DDX11: variants seen among roughly 807,000 people sequenced by gnomAD.
DDX11 encodes ATP-dependent DNA helicase DDX11.
A neutral mutation model predicts 125.2 loss-of-function variants in DDX11; 72 were observed. The ratio of observed to expected loss-of-function variants is 0.58; its 90% CI spans 0.48 to 0.70. DDX11 has a LOEUF of 0.70. DDX11 is among the 30% of genes least tolerant of loss of function. The pLI is 0.00. For missense variants in DDX11, 883 were observed against 1,165.0 expected (o/e 0.76, Z 3.52); for synonymous variants, 347 against 452.6 (o/e 0.77, Z 2.96).
At chr12:31,099,288 T>C (rs1945960692) in intron 18 of DDX11, among the ~76,000 whole-genome samples, 1 of 151,958 alleles carries the variant, frequency 6.6e-6, no homozygotes, top group South Asian at 2.1e-4. Flanking sequence ...GGTTTTACCA[T>C]GTTGGCCAGG....
intron 18 of DDX11, among the ~76,000 whole-genome samples, chr12:31,098,960 G>C (rs914998398): frequency 6.6e-6 from 1 of 152,020 alleles, no homozygotes; most frequent in East Asian, 1.9e-4. Context: ...CTTGTAATGG[G>C]GAATGACATT....
At chr12:31,092,068 C>G (rs1944346646) in intron 10 of DDX11, among the ~76,000 whole-genome samples, 197 bp downstream of exon 10, 1 of 152,266 alleles carries the variant, frequency 6.6e-6, no homozygotes, top group African/African-American at 2.4e-5. Flanking sequence ...CAGAGTGCCT[C>G]ATTTCCCTGC....
intron 4 of DDX11, 62 bp downstream of exon 4, chr12:31,084,731 C>T (rs370015210): frequency 6.7e-7 from 1 of 1,487,434 alleles, no homozygotes; most frequent in Non-Finnish European, 9.2e-7. Flanking sequence ...CTTGGAGGCT[C>T]ATGGGTGCGT....
intron 2 of DDX11, among the ~76,000 whole-genome samples, chr12:31,079,948 T>C (rs1941546876): frequency 6.7e-6 from 1 of 150,324 alleles, no homozygotes; most frequent in South Asian, 2.1e-4. Context: ...AATTAGTTGC[T>C]CCTCAGACTG....
intron 2 of DDX11, among the ~76,000 whole-genome samples, chr12:31,082,911 C>A (rs573020799): frequency 2.6e-5 from 4 of 152,314 alleles, no homozygotes; most frequent in Admixed American, 2.6e-4. Flanking sequence ...ATCATCACAT[C>A]GCCTGCCTTC....
At chr12:31,094,896 TAAG>T in intron 14 of DDX11, 74 bp downstream of exon 14, 3 of 1,546,966 alleles carry the variant, frequency 1.9e-6, no homozygotes, top group Non-Finnish European at 2.7e-6. Context: ...AGTACTATGT[TAAG>T]ACTGTAGAAG....
intron 12 of DDX11, chr12:31,093,720 C>CAAAAAAAAAAAAAAAAAAAAAAAAAAA (rs71052461): frequency 5.4e-5 from 3 of 55,564 alleles, no homozygotes; most frequent in East Asian, 7.2e-4. Context: ...GAATCAGTCT[C>CAAAAAAAAAAAAAAAAAAAAAAAAAAA]AAAAAAAAAA....
At chr12:31,100,861 T>C in intron 19 of DDX11, 154 bp downstream of exon 19, 1 of 1,085,600 alleles carries the variant, frequency 9.2e-7, no homozygotes, top group South Asian at 1.3e-5. Context: ...GCTCTCCTGC[T>C]TTGCTCCCTG....
At chr12:31,098,141 G>A (rs929537622) in intron 18 of DDX11, 144 bp downstream of exon 18, 89 of 583,564 alleles carry the variant, frequency 1.5e-4, no homozygotes, top group African/African-American at 1.4e-3. Flanking sequence ...TGTCCGCTGG[G>A]TGACACTGCT....
At chr12:31,079,658 ATGTT>A (rs1222887662) in intron 2 of DDX11, among the ~76,000 whole-genome samples, 3 of 151,394 alleles carry the variant, frequency 2.0e-5, no homozygotes, top group Non-Finnish European at 4.4e-5. Context: ...ATTTCAACAT[ATGTT>A]TGTTTGTTAA....
Position 31,087,871 on chromosome 12 carries a change from G to A in DDX11, c.639-67G>A, listed in dbSNP as rs1208179633. Reference sequence around the variant, plus strand: ...CAGGGCTCAGCACCAGCGCTCAGCAGATGCTCAGTGCGTTTTGCTGAGTTT... The same window carrying A: ...CAGGGCTCAGCACCAGCGCTCAGCAAATGCTCAGTGCGTTTTGCTGAGTTT... On this transcript the variant is annotated intron_variant, in intron 5 of 26. Coordinates refer to ENST00000542838, the MANE Select transcript of DDX11 (RefSeq NM_030653.4). The A allele has an allele frequency of 2.6e-6, 4 of 1,562,314 alleles. No individual in the cohort carries two copies. In the East Asian group the frequency reaches 9.6e-5, roughly 37 times the overall value.
rs1215524537 is a variant in DDX11, at chr12:31,088,097, G to A, written c.684+114G>A. On this transcript the variant is annotated intron_variant, in intron 6 of 26. Coordinates refer to ENST00000542838, the MANE Select transcript of DDX11 (RefSeq NM_030653.4). ...TTCTCACCCTCCTCTCCACAAAGGAGGAGCTTCCAGCACTTGGACTCCGTT... is the reference window on the plus strand; with the variant it reads ...TTCTCACCCTCCTCTCCACAAAGGAAGAGCTTCCAGCACTTGGACTCCGTT... The A allele has an allele frequency of 8.7e-6, 13 of 1,496,112 alleles. No homozygotes were observed. In the Admixed American group the frequency reaches 1.4e-4, roughly 16 times the overall value. The allele number at this position is 1,496,112 out of a possible 1,614,324, so 92.7% of individuals were successfully genotyped here.
chr12:31,085,182 C>T (rs1942877278), intron 5 of DDX11, 56 bp downstream of exon 5: 1 of 1,534,874 alleles, frequency 6.5e-7, no homozygotes, highest in South Asian at 1.2e-5. Context: ...CCCTTGAAGA[C>T]AGCTCTTTCC....
rs1946886754 is a variant in DDX11, at chr12:31,104,205, A to G, written c.*369A>G. 3.9e-6 allele frequency: 4 copies of G among 1,031,546 alleles called. No individual in the cohort carries two copies. In the African/African-American group the frequency reaches 6.5e-5, roughly 17 times the overall value. The allele number at this position is 1,031,546 out of a possible 1,614,324, so 63.9% of individuals were successfully genotyped here. A position where few individuals can be genotyped will look rare whatever the true frequency, so the allele number is the denominator to read the frequency against. On this transcript the variant is annotated 3_prime_UTR_variant, in exon 27 of 27. Coordinates refer to ENST00000542838, the MANE Select transcript of DDX11 (RefSeq NM_030653.4). ...TCTCCGTCCTGCCCACCTTCTTAAGAGGCGAGATGGAGCAGGCCCATCTGC... is the reference window on the plus strand; with the variant it reads ...TCTCCGTCCTGCCCACCTTCTTAAGGGGCGAGATGGAGCAGGCCCATCTGC...
At position 31,103,929 on chromosome 12, in the gene DDX11, G is replaced by A. The variant is rs566012539; in HGVS notation, c.*93G>A. On this transcript the variant is annotated 3_prime_UTR_variant, in exon 27 of 27. Transcript: ENST00000542838. Reference sequence around the variant, plus strand: ...CGTGGGCGTGGTCTGCGGGGATCCTGTTACAAAGGTGAAACCCAGGAGGAG... The same window carrying A: ...CGTGGGCGTGGTCTGCGGGGATCCTATTACAAAGGTGAAACCCAGGAGGAG... 6.2e-7 allele frequency: 1 copy of A among 1,613,200 alleles called. No individual in the cohort carries two copies. Among genetic ancestry groups the A allele is most frequent in the East Asian group, 2.2e-5 (1 of 44,866 alleles).
intron 17 of DDX11, among the ~76,000 whole-genome samples, chr12:31,097,521 A>G (rs898143457): frequency 1.3e-5 from 2 of 149,220 alleles, no homozygotes; most frequent in African/African-American, 5.0e-5. Context: ...TCTACTAAAA[A>G]TACAAAAAAT....
chr12:31,100,989 G>A (rs754165880), intron 19 of DDX11, 38 bp from the exon 20 acceptor site: 4 of 1,554,976 alleles, frequency 2.6e-6, no homozygotes, highest in Non-Finnish European at 3.6e-6. Context: ...CAGCACACCT[G>A]CATCTCCAGT....
intron 18 of DDX11, among the ~76,000 whole-genome samples, chr12:31,098,986 G>T (rs945222714): frequency 6.6e-6 from 1 of 151,942 alleles, no homozygotes; most frequent in Admixed American, 6.6e-5. Context: ...GTCAAGCTGT[G>T]GGTGCTAGGG....
chr12:31,103,101 C>T (rs1946684213), intron 24 of DDX11, 81 bp downstream of exon 24: 5 of 1,519,536 alleles, frequency 3.3e-6, no homozygotes, highest in Non-Finnish European at 4.6e-6. Flanking sequence ...GCTGATACAG[C>T]CAGGCCTTCC....
Sources: allele counts gnomAD v4.1 joint callset (sites outside exome capture counted in the v4.1 genomes callset), GRCh38; gene constraint gnomAD v4.1.1; transcripts MANE v1.5; gene names NCBI Gene and HGNC (gene_info 2026-07-23, HGNC 2026-07-21).